Variants in HTR4 observed in about 807,000 individuals in gnomAD.
HTR4 encodes the protein 5-hydroxytryptamine (serotonin) receptor 4, G protein-coupled.
Under a neutral mutation model 36.8 loss-of-function variants are expected in HTR4, and 16 were observed. The observed-to-expected ratio is 0.43, with a 90% CI of 0.29 to 0.66. The LOEUF is 0.66. Ranked by LOEUF, HTR4 falls within the 30% of genes least tolerant of loss-of-function variation. The pLI, the probability that HTR4 is intolerant of heterozygous loss-of-function variation, is 0.13. For missense variants in HTR4, 438 were observed against 490.9 expected, an observed-to-expected ratio of 0.89 and a Z score of 1.02; for synonymous variants, 189 against 185.1, an observed-to-expected ratio of 1.02 and a Z score of -0.17.
At chr5:148,588,190 T>TA (rs1487730216) in intron 2 of HTR4, among the ~76,000 whole-genome samples, 1 of 152,258 alleles carries the variant, frequency 6.6e-6, no homozygotes, top group East Asian at 1.9e-4. Context: ...GCAAGACCGA[T>TA]AGACTTTTCT....
At chr5:148,576,635 G>C (rs565124906) in intron 2 of HTR4, among the ~76,000 whole-genome samples, 1 of 152,144 alleles carries the variant, frequency 6.6e-6, no homozygotes, top group East Asian at 1.9e-4. Flanking sequence ...TAGACCAATG[G>C]AATAGAATAG....
chr5:148,473,258 C>T (rs150383790), downstream of HTR4, among the ~76,000 whole-genome samples: 807 of 148,696 alleles, frequency 5.4e-3, 17 homozygotes, highest in East Asian at 0.069. Context: ...GCCGAGATCG[C>T]GCCACTGCAT....
At chr5:148,553,489 TA>T (rs1311418769) in intron 2 of HTR4, among the ~76,000 whole-genome samples, 1 of 152,182 alleles carries the variant, frequency 6.6e-6, no homozygotes, top group African/African-American at 2.4e-5. Flanking sequence ...GAGAAATTTT[TA>T]AAATCTCCCA....
At chr5:148,555,203 A>C (rs1759890115) in intron 2 of HTR4, among the ~76,000 whole-genome samples, 1 of 152,146 alleles carries the variant, frequency 6.6e-6, no homozygotes, top group South Asian at 2.1e-4. Context: ...ACATATCCTT[A>C]TAACATGAAT....
chr5:148,549,452 C>A (rs1246984624), intron 3 of HTR4, among the ~76,000 whole-genome samples: 5 of 152,048 alleles, frequency 3.3e-5, no homozygotes, highest in Non-Finnish European at 7.4e-5. Context: ...TTCGTTATAC[C>A]CTCTTATGGC....
At chr5:148,463,855 T>G (rs1755352157) in intron 5 of HTR4, among the ~76,000 whole-genome samples, 1 of 151,872 alleles carries the variant, frequency 6.6e-6, no homozygotes, top group African/African-American at 2.4e-5. Flanking sequence ...CTGCAGTAAA[T>G]GAAGCAGTAT....
chr5:148,491,316 CTA>C (rs1561575445), intron 6 of HTR4, among the ~76,000 whole-genome samples: 6 of 151,776 alleles, frequency 4.0e-5, no homozygotes, highest in Admixed American at 2.0e-4. Context: ...TTCTACGGCG[CTA>C]TATATTTTTT....
intron 5 of HTR4, among the ~76,000 whole-genome samples, chr5:148,518,477 G>A (rs910412145): frequency 2.6e-5 from 4 of 152,294 alleles, no homozygotes; most frequent in Middle Eastern, 3.4e-3. Flanking sequence ...GTTAGCGTTA[G>A]CATCATCACT....
intron 2 of HTR4, among the ~76,000 whole-genome samples, chr5:148,632,379 CACAACA>C (rs1461133501): frequency 1.3e-5 from 2 of 151,952 alleles, no homozygotes; most frequent in Non-Finnish European, 2.9e-5. Flanking sequence ...AATAAGAAAG[CACAACA>C]GTCATTTCGT....
At chr5:148,472,281 A>G (rs1003165897), downstream of HTR4, among the ~76,000 whole-genome samples, 2 of 152,356 alleles carry the variant, frequency 1.3e-5, no homozygotes, top group South Asian at 2.1e-4. Flanking sequence ...AATGCCTGGC[A>G]CACAGTGGGT....
At chr5:148,466,003 C>CA in intron 5 of HTR4, 1 of 1,563,542 alleles carries the variant, frequency 6.4e-7, no homozygotes, top group Non-Finnish European at 8.6e-7. Context: ...AAAAAAAAAA[C>CA]ATAGAGATTA....
intron 2 of HTR4, among the ~76,000 whole-genome samples, chr5:148,575,283 G>A (rs1007951366): frequency 6.6e-6 from 1 of 152,010 alleles, no homozygotes; most frequent in South Asian, 2.1e-4. Context: ...TCCAAACACT[G>A]AAGTTGCACA....
intron 5 of HTR4, among the ~76,000 whole-genome samples, chr5:148,467,605 T>C (rs755822486): frequency 2.0e-5 from 3 of 152,226 alleles, no homozygotes; most frequent in African/African-American, 4.8e-5. Flanking sequence ...AATGTTAAGA[T>C]GAAATCTAAG....
intron 4 of HTR4, among the ~76,000 whole-genome samples, chr5:148,531,932 G>A (rs1462609261): frequency 6.6e-6 from 1 of 152,102 alleles, no homozygotes; most frequent in Non-Finnish European, 1.5e-5. Flanking sequence ...TGTCACAATT[G>A]GGAAGGAAAT....
chr5:148,592,726 TC>T (rs1761621269), intron 2 of HTR4, among the ~76,000 whole-genome samples: 1 of 152,112 alleles, frequency 6.6e-6, no homozygotes, highest in Admixed American at 6.6e-5. Flanking sequence ...TTTCCCCAAT[TC>T]ATCCTATTTG....
intron 2 of HTR4, among the ~76,000 whole-genome samples, chr5:148,618,345 G>T (rs561928442): frequency 6.6e-6 from 1 of 152,192 alleles, no homozygotes; most frequent in Non-Finnish European, 1.5e-5. Flanking sequence ...AACTTTTCCT[G>T]TGTGTTCCAT....
intron 1 of HTR4, among the ~76,000 whole-genome samples, chr5:148,638,844 C>T (rs1174373241): frequency 6.6e-6 from 1 of 152,002 alleles, no homozygotes; most frequent in Non-Finnish European, 1.5e-5. Context: ...CGCTTGAGCC[C>T]AGGAGTTTGA....
intron 5 of HTR4, among the ~76,000 whole-genome samples, chr5:148,512,669 A>G (rs1318262221): frequency 6.6e-6 from 1 of 152,152 alleles, no homozygotes; most frequent in African/African-American, 2.4e-5. Flanking sequence ...GGTGACTTAC[A>G]TCTGTAATCC....
At chr5:148,486,948 A>C (rs1399433238) in intron 6 of HTR4, among the ~76,000 whole-genome samples, 6 of 152,210 alleles carry the variant, frequency 3.9e-5, no homozygotes, top group Middle Eastern at 3.2e-3. Flanking sequence ...ATGTTTGATC[A>C]AAAACATTGG....
Sources: allele counts gnomAD v4.1 joint callset (sites outside exome capture counted in the v4.1 genomes callset), GRCh38; gene constraint gnomAD v4.1.1; transcripts MANE v1.5; gene names NCBI Gene and HGNC (gene_info 2026-07-23, HGNC 2026-07-21).